IL1RAPL2: variants seen among roughly 807,000 people sequenced by gnomAD.
The protein encoded by IL1RAPL2 is interleukin 1 receptor accessory protein like 2.
In IL1RAPL2, 3 loss-of-function variants were observed where a neutral mutation model predicts 44.1. The observed-to-expected ratio is 0.07, with a 90% CI of 0.03 to 0.18. IL1RAPL2 has a LOEUF of 0.18. Ranked by LOEUF, IL1RAPL2 falls within the 10% of genes least tolerant of loss-of-function variation. The pLI is 1.00. For synonymous variants in IL1RAPL2, 181 were observed against 178.8 expected, an observed-to-expected ratio of 1.01 and a Z score of -0.10; for missense variants, 391 against 496.4, an observed-to-expected ratio of 0.79 and a Z score of 2.02.
intron 1 of IL1RAPL2, among the ~76,000 whole-genome samples, chrX:104,585,378 A>AAT (rs1556438570): frequency 4.3e-5 from 1 of 23,226 alleles, no homozygotes; most frequent in Non-Finnish European, 6.3e-5. Context: ...TATTATATAT[A>AAT]ATATATATTA....
At chrX:104,721,679 TTAAAA>T (rs1931679035) in intron 2 of IL1RAPL2, among the ~76,000 whole-genome samples, 1 of 110,733 alleles carries the variant, frequency 9.0e-6, no homozygotes, top group South Asian at 3.8e-4. Context: ...AACCCAGAAC[TTAAAA>T]TAAAAATTTA....
rs370743016 is a variant in IL1RAPL2 at position 104,935,055 on chromosome X, G to T, written c.83-260420G>T. Among the ~76,000 whole-genome samples, 4 of 111,618 alleles carry T rather than the reference G, an allele frequency of 3.6e-5. No homozygotes were observed. The East Asian group carries it at 1.1e-3, about 32-fold the overall frequency. ...GTTTATATAAAATGCTTAATAAAAG[G>T]TCTAGCACTTAGGGGACACTGTGCC... On this transcript the variant is annotated intron_variant, in intron 2 of 10. Coordinates refer to ENST00000372582, the MANE Select transcript of IL1RAPL2 (RefSeq NM_017416.2).
chrX:105,077,325 C>A (rs1251446241), intron 2 of IL1RAPL2, among the ~76,000 whole-genome samples: 67 of 111,493 alleles, frequency 6.0e-4, no homozygotes, highest in African/African-American at 1.0e-3. Context: ...CTGGATATGA[C>A]ATTCTGGGTT....
Position 105,097,713 on chromosome X carries a change from A to G in IL1RAPL2, c.83-97762A>G, listed in dbSNP as rs184255467. On this transcript the variant is annotated intron_variant, in intron 2 of 10. Transcript: ENST00000372582. Reference sequence around the variant, plus strand: ...GGCAGTAATTAACTGTAATTGAAAAATATCCCATTTTTTATGGTTCTCTGA... The same window carrying G: ...GGCAGTAATTAACTGTAATTGAAAAGTATCCCATTTTTTATGGTTCTCTGA... 5.4e-5 allele frequency among the ~76,000 whole-genome samples: 6 copies of G among 111,501 alleles called. No homozygotes were observed. In the East Asian group the frequency reaches 1.4e-3, roughly 26 times the overall value.
At chrX:104,626,097 T>G (rs1602649558) in intron 1 of IL1RAPL2, among the ~76,000 whole-genome samples, 1 of 111,321 alleles carries the variant, frequency 9.0e-6, no homozygotes, top group East Asian at 2.8e-4. Flanking sequence ...AATGTATATC[T>G]CCTTCTCATG....
chrX:105,450,942 G>GTGTGTGTGT (rs1569442753), intron 5 of IL1RAPL2, among the ~76,000 whole-genome samples: 1 of 108,808 alleles, frequency 9.2e-6, no homozygotes, highest in African/African-American at 3.4e-5. Context: ...GTGTGTGTGT[G>GTGTGTGTGT]GTTTACTGCT....
At chrX:105,460,475 C>A (rs1443032577) in intron 5 of IL1RAPL2, among the ~76,000 whole-genome samples, 3 of 110,041 alleles carry the variant, frequency 2.7e-5, no homozygotes, top group Admixed American at 9.8e-5. Flanking sequence ...TCCTTCCAGG[C>A]ACATGTGAAC....
chrX:105,692,850 AAGAATT>A (rs1421923755), intron 6 of IL1RAPL2, among the ~76,000 whole-genome samples: 1 of 111,689 alleles, frequency 9.0e-6, no homozygotes, highest in Non-Finnish European at 1.9e-5. Flanking sequence ...AGTATGGAAA[AAGAATT>A]AGACAGTAAG....
chrX:105,599,505 A>G, intron 6 of IL1RAPL2, among the ~76,000 whole-genome samples: 1 of 111,469 alleles, frequency 9.0e-6, no homozygotes, highest in East Asian at 2.8e-4. Context: ...TCAAAGTGTT[A>G]CACAAAGCTT....
chrX:104,923,179 T>A (rs1011935462), intron 2 of IL1RAPL2, among the ~76,000 whole-genome samples: 3 of 111,708 alleles, frequency 2.7e-5, no homozygotes, highest in Admixed American at 1.9e-4. Flanking sequence ...AACCTACAAC[T>A]TATAGGCATT....
At chrX:104,879,510 C>G (rs1261814225) in intron 2 of IL1RAPL2, among the ~76,000 whole-genome samples, 1 of 111,087 alleles carries the variant, frequency 9.0e-6, no homozygotes, top group African/African-American at 3.3e-5. Context: ...TGACACACAA[C>G]AGTTTCATTT....
intron 2 of IL1RAPL2, among the ~76,000 whole-genome samples, chrX:104,901,055 G>A (rs1384065819): frequency 9.0e-6 from 1 of 110,897 alleles, no homozygotes; most frequent in Admixed American, 9.6e-5. Flanking sequence ...ATTTCCAAGT[G>A]AGAACCACTT....
intron 3 of IL1RAPL2, among the ~76,000 whole-genome samples, chrX:105,205,587 TAAA>T (rs375473348): frequency 0.01 from 83 of 8,186 alleles, no homozygotes; most frequent in Non-Finnish European, 0.021. Context: ...AAGACTCTGT[TAAA>T]AAAAAAAAAA....
intron 6 of IL1RAPL2, among the ~76,000 whole-genome samples, chrX:105,657,878 GT>G (rs2037687611): frequency 9.1e-6 from 1 of 110,084 alleles, no homozygotes; most frequent in African/African-American, 3.3e-5. Context: ...GCCTCCCAAA[GT>G]GCTGGGATTA....
At chrX:105,493,608 G>A (rs1225457231) in intron 6 of IL1RAPL2, among the ~76,000 whole-genome samples, 1 of 111,089 alleles carries the variant, frequency 9.0e-6, no homozygotes, top group South Asian at 3.8e-4. Context: ...TGAGGAAAAT[G>A]GGCTCGGAGA....
chrX:104,636,001 T>A (rs970789567), intron 1 of IL1RAPL2, among the ~76,000 whole-genome samples: 1 of 111,688 alleles, frequency 9.0e-6, no homozygotes, highest in Non-Finnish European at 1.9e-5. Flanking sequence ...TTGATGATGG[T>A]GATGTACAGA....
intron 5 of IL1RAPL2, among the ~76,000 whole-genome samples, chrX:105,301,503 A>G (rs993883008): frequency 1.8e-5 from 2 of 109,733 alleles, no homozygotes; most frequent in African/African-American, 3.3e-5. Flanking sequence ...AACCATCCCC[A>G]TCTTCCCCCC....
At chrX:105,187,257 G>A (rs2033596978) in intron 2 of IL1RAPL2, among the ~76,000 whole-genome samples, 1 of 111,772 alleles carries the variant, frequency 8.9e-6, no homozygotes, top group African/African-American at 3.3e-5. Flanking sequence ...TTTCCTTCCA[G>A]CCTTTTAAGG....
At chrX:104,840,769 G>A (rs1336164118) in intron 2 of IL1RAPL2, among the ~76,000 whole-genome samples, 5 of 110,039 alleles carry the variant, frequency 4.5e-5, no homozygotes, top group African/African-American at 1.7e-4. Context: ...CCACCTCCTG[G>A]GTTCAAGCGA....
Sources: allele counts gnomAD v4.1 joint callset (sites outside exome capture counted in the v4.1 genomes callset), GRCh38; gene constraint gnomAD v4.1.1; transcripts MANE v1.5; gene names NCBI Gene and HGNC (gene_info 2026-07-23, HGNC 2026-07-21).